Variants in KIAA1328 observed in about 807,000 individuals in gnomAD.
KIAA1328 encodes protein hinderin.
A neutral mutation model predicts 68.1 loss-of-function variants in KIAA1328; 52 were observed. The ratio of observed to expected loss-of-function variants is 0.76; its 90% CI spans 0.61 to 0.96. The LOEUF is 0.96. Ranked by LOEUF, KIAA1328 falls within the 40% of genes least tolerant of loss-of-function variation. KIAA1328 has a pLI of 0.00. For missense variants in KIAA1328, 641 were observed against 677.6 expected (o/e 0.95, Z 0.60); for synonymous variants, 232 against 239.4 (o/e 0.97, Z 0.28).
chr18:37,055,454 A>G (rs1235969225), intron 6 of KIAA1328, among the ~76,000 whole-genome samples: 1 of 152,228 alleles, frequency 6.6e-6, no homozygotes, highest in Admixed American at 6.5e-5. Context: ...TTAGAAGGTA[A>G]TCTACCTTGA....
At chr18:37,214,436 G>C (rs557620988) in intron 9 of KIAA1328, among the ~76,000 whole-genome samples, 1 of 152,194 alleles carries the variant, frequency 6.6e-6, no homozygotes, top group African/African-American at 2.4e-5. Context: ...TTTTTGTCAG[G>C]TTTGTCAAAG....
intron 4 of KIAA1328, among the ~76,000 whole-genome samples, chr18:36,879,975 G>A (rs1485957942): frequency 6.6e-6 from 1 of 152,208 alleles, no homozygotes; most frequent in Non-Finnish European, 1.5e-5. Context: ...CTCTGTATGT[G>A]TGGGATCTGC....
rs550456618 is a variant in KIAA1328, at chr18:36,846,664, A to G, written c.332+2362A>G. Among the ~76,000 whole-genome samples, 15 of 151,588 alleles carry G rather than the reference A, an allele frequency of 9.9e-5. No homozygotes were observed. The South Asian group carries it at 3.1e-3, about 31-fold the overall frequency. ...CCAGGCAACCATTAATATAGTTTCCATTATTATAGTTTAGTTTTACATATT... is the reference window on the plus strand; with the variant it reads ...CCAGGCAACCATTAATATAGTTTCCGTTATTATAGTTTAGTTTTACATATT... On this transcript the variant is annotated intron_variant, in intron 4 of 9. Transcript: ENST00000280020.
intron 7 of KIAA1328, among the ~76,000 whole-genome samples, chr18:37,129,275 G>A (rs2058464803): frequency 6.6e-6 from 1 of 151,824 alleles, no homozygotes; most frequent in Non-Finnish European, 1.5e-5. Context: ...ATGTGGATAA[G>A]TATTTTTATG....
intron 5 of KIAA1328, chr18:36,902,145 T>C (rs962194051): frequency 1.4e-4 from 22 of 151,866 alleles, no homozygotes; most frequent in African/African-American, 5.1e-4. Context: ...GGACATCATA[T>C]GAAAGTTGCA....
chr18:37,044,815 A>T (rs907280953), intron 6 of KIAA1328, among the ~76,000 whole-genome samples: 1 of 151,730 alleles, frequency 6.6e-6, no homozygotes, highest in Non-Finnish European at 1.5e-5. Flanking sequence ...AAAAAAAAAA[A>T]TTCAAAGCAA....
intron 7 of KIAA1328, among the ~76,000 whole-genome samples, chr18:37,085,258 G>A (rs543764179): frequency 6.6e-6 from 1 of 152,170 alleles, no homozygotes; most frequent in Non-Finnish European, 1.5e-5. Flanking sequence ...ACTGAGGTGG[G>A]CCTGATGTTA....
chr18:36,941,847 T>TA (rs2151188076), intron 5 of KIAA1328, among the ~76,000 whole-genome samples: 1 of 152,116 alleles, frequency 6.6e-6, no homozygotes, highest in African/African-American at 2.4e-5. Flanking sequence ...GAATCATTAC[T>TA]AAAGACCCCA....
At chr18:36,839,627 G>A (rs1457964891) in intron 3 of KIAA1328, among the ~76,000 whole-genome samples, 2 of 152,084 alleles carry the variant, frequency 1.3e-5, no homozygotes, top group East Asian at 3.9e-4. Flanking sequence ...TTTATTGGAT[G>A]TCACAAGACA....
chr18:37,149,990 G>A (rs1015334739), intron 7 of KIAA1328, among the ~76,000 whole-genome samples: 3 of 151,986 alleles, frequency 2.0e-5, no homozygotes, highest in African/African-American at 7.2e-5. Context: ...ACAATTTTTT[G>A]CAAGCACTTT....
intron 7 of KIAA1328, among the ~76,000 whole-genome samples, chr18:37,124,664 T>C (rs1207884803): frequency 1.3e-5 from 2 of 152,210 alleles, no homozygotes; most frequent in African/African-American, 4.8e-5. Flanking sequence ...TACAAGTCCA[T>C]ACATGTTGTG....
chr18:37,110,370 G>A (rs894510485), intron 7 of KIAA1328, among the ~76,000 whole-genome samples: 1 of 152,190 alleles, frequency 6.6e-6, no homozygotes. Context: ...TTTTATCAAA[G>A]CATCACGTTT....
At chr18:37,130,432 A>G (rs1235133625) in intron 7 of KIAA1328, among the ~76,000 whole-genome samples, 1 of 152,128 alleles carries the variant, frequency 6.6e-6, no homozygotes. Flanking sequence ...ATGCTGGCCA[A>G]CATGGTGAAA....
chr18:37,048,755 C>A (rs772572803), intron 6 of KIAA1328, among the ~76,000 whole-genome samples: 2 of 152,120 alleles, frequency 1.3e-5, no homozygotes, highest in Non-Finnish European at 2.9e-5. Context: ...TTTTATCAGT[C>A]TGTAAACACT....
chr18:37,139,103 C>A (rs1307236322), intron 7 of KIAA1328, among the ~76,000 whole-genome samples: 1 of 151,730 alleles, frequency 6.6e-6, no homozygotes, highest in East Asian at 1.9e-4. Context: ...AATACAGGTG[C>A]CCGCCACCAT....
intron 1 of KIAA1328, among the ~76,000 whole-genome samples, chr18:36,833,756 T>TTTTGTCTTAAA (rs1419690212): frequency 6.6e-6 from 1 of 152,220 alleles, no homozygotes; most frequent in African/African-American, 2.4e-5. Flanking sequence ...AAATAGTTCT[T>TTTTGTCTTAAA]TTTGTCTTAA....
At chr18:37,148,222 T>C (rs1168930433) in intron 7 of KIAA1328, among the ~76,000 whole-genome samples, 1 of 152,160 alleles carries the variant, frequency 6.6e-6, no homozygotes, top group African/African-American at 2.4e-5. Flanking sequence ...AGTGAGAACA[T>C]GCGGTATTTG....
chr18:36,978,022 A>G (rs1451406919), intron 6 of KIAA1328, among the ~76,000 whole-genome samples: 1 of 152,098 alleles, frequency 6.6e-6, no homozygotes, highest in Non-Finnish European at 1.5e-5. Context: ...GCCTCAAGTG[A>G]TCTGCCTGCC....
At chr18:37,170,903 T>C (rs772614128) in intron 8 of KIAA1328, among the ~76,000 whole-genome samples, 1 of 152,160 alleles carries the variant, frequency 6.6e-6, no homozygotes, top group Non-Finnish European at 1.5e-5. Context: ...GAGAGGGGGC[T>C]AGGACCAGAC....
Sources: allele counts gnomAD v4.1 joint callset (sites outside exome capture counted in the v4.1 genomes callset), GRCh38; gene constraint gnomAD v4.1.1; transcripts MANE v1.5; gene names NCBI Gene and HGNC (gene_info 2026-07-23, HGNC 2026-07-21).